SEPTIN6: variants seen among roughly 807,000 people sequenced by gnomAD.
The protein encoded by SEPTIN6 is septin 6.
A neutral mutation model predicts 33.6 loss-of-function variants in SEPTIN6; 8 were observed. The ratio of observed to expected loss-of-function variants is 0.24; its 90% CI spans 0.14 to 0.43. The LOEUF (loss-of-function observed/expected upper bound fraction) is 0.43, where lower values mean the gene tolerates loss of function less well. Ranked by LOEUF, SEPTIN6 falls within the 20% of genes least tolerant of loss-of-function variation. SEPTIN6 has a pLI of 1.00. For synonymous variants in SEPTIN6, 131 were observed against 140.0 expected (o/e 0.94, Z 0.45); for missense variants, 250 against 340.8 (o/e 0.73, Z 2.10).
At chrX:119,651,195 T>C (rs900798801) in intron 4 of SEPTIN6, among the ~76,000 whole-genome samples, 2 of 111,595 alleles carry the variant, frequency 1.8e-5, no homozygotes, top group Non-Finnish European at 3.8e-5. Flanking sequence ...CCTCTGCGCT[T>C]TGGCTTAGGA....
At chrX:119,638,393 C>T (rs2054102402) in intron 6 of SEPTIN6, among the ~76,000 whole-genome samples, 2 of 111,643 alleles carry the variant, frequency 1.8e-5, no homozygotes, top group African/African-American at 3.3e-5. Flanking sequence ...GACCAGGTCA[C>T]GAGGAGCACT....
At chrX:119,674,811 C>T (rs1007620841) in intron 2 of SEPTIN6, among the ~76,000 whole-genome samples, 2 of 111,993 alleles carry the variant, frequency 1.8e-5, no homozygotes, top group African/African-American at 3.2e-5. Context: ...GTTCCTGTGG[C>T]ATTCACCCAT....
intron 1 of SEPTIN6, among the ~76,000 whole-genome samples, chrX:119,688,564 G>A (rs544221064): frequency 1.8e-5 from 2 of 109,518 alleles, no homozygotes; most frequent in African/African-American, 6.7e-5. Flanking sequence ...AAAATTAGCT[G>A]GGCACGGTGG....
At chrX:119,662,429 T>G (rs2054564705) in intron 3 of SEPTIN6, among the ~76,000 whole-genome samples, 1 of 111,995 alleles carries the variant, frequency 8.9e-6, no homozygotes, top group African/African-American at 3.2e-5. Context: ...GCTGGAAATT[T>G]GGGCCTCATT....
chrX:119,681,699 A>C (rs1603351460), intron 1 of SEPTIN6, among the ~76,000 whole-genome samples: 1 of 112,231 alleles, frequency 8.9e-6, no homozygotes. Context: ...GAGTATCTCC[A>C]AGACATATTA....
At chrX:119,671,525 T>C (rs2054748844) in intron 2 of SEPTIN6, among the ~76,000 whole-genome samples, 1 of 109,560 alleles carries the variant, frequency 9.1e-6, no homozygotes, top group Non-Finnish European at 1.9e-5. Context: ...CCTGACCTCA[T>C]GATCCGCCCA....
At chrX:119,646,564 T>G (rs975385452) in intron 5 of SEPTIN6, among the ~76,000 whole-genome samples, 3 of 111,583 alleles carry the variant, frequency 2.7e-5, no homozygotes. Context: ...TCGCTCTCCC[T>G]TCTCTTCCCC....
Position 119,618,030 on chromosome X carries a change from A to C in SEPTIN6, c.*2063T>G. 1.2e-6 allele frequency: 1 copy of C among 806,664 alleles called. No homozygotes were observed. The highest frequency in any genetic ancestry group is 1.5e-6 in the Non-Finnish European group (1 of 671,584). 66.5% of individuals were successfully genotyped at this position (806,664 alleles called of 1,213,427 possible). On this transcript the variant is annotated 3_prime_UTR_variant, in exon 11 of 11. Coordinates refer to ENST00000394610, the MANE Select transcript of SEPTIN6 (RefSeq NM_145799.4). ...GTGGTGGTTACCGGTTGGTTGTTTA[A>C]GCGTGAATTTCTGGGAAAGCAGCTC...
At chrX:119,628,580 A>G (rs1322450281) in intron 9 of SEPTIN6, among the ~76,000 whole-genome samples, 1 of 98,610 alleles carries the variant, frequency 1.0e-5, no homozygotes, top group African/African-American at 3.9e-5. Flanking sequence ...ATCTCTGCTC[A>G]CTGCAAGCTC....
intron 2 of SEPTIN6, among the ~76,000 whole-genome samples, chrX:119,666,744 G>T (rs772741142): frequency 1.8e-5 from 2 of 111,669 alleles, no homozygotes; most frequent in East Asian, 5.7e-4. Context: ...TGAAGAAGAG[G>T]CCCCCTTTTT....
At chrX:119,648,219 C>A (rs1205536877) in intron 5 of SEPTIN6, among the ~76,000 whole-genome samples, 1 of 110,029 alleles carries the variant, frequency 9.1e-6, no homozygotes, top group Non-Finnish European at 1.9e-5. Flanking sequence ...CATGAGGTAC[C>A]AAGATGTGGT....
intron 2 of SEPTIN6, among the ~76,000 whole-genome samples, chrX:119,671,862 A>G (rs1012089653): frequency 3.5e-5 from 4 of 112,687 alleles, no homozygotes; most frequent in Non-Finnish European, 7.5e-5. Context: ...GTACACAGGC[A>G]GTAGGCATGA....
In SEPTIN6 at chrX:119,693,097, C is replaced by G; in HGVS notation, c.9G>C (p.Ala3=). 6.8e-6 allele frequency: 8 copies of G among 1,170,942 alleles called. No homozygotes were observed. The highest frequency in any genetic ancestry group is 9.1e-6 in the Non-Finnish European group (8 of 874,826). The part of the protein sequence containing the change: MA[A]TDIARQVGEG... ...TTACCACCTGGCGAGCTATATCGGT[C>G]GCTGCCATCGCTCCTGCGTCCGCCA... The change falls in exon 1 of 11, where the codon GCG becomes GCC. Residue 3 remains alanine, a synonymous_variant. Coordinates refer to ENST00000394610, the MANE Select transcript of SEPTIN6 (RefSeq NM_145799.4).
At position 119,640,778 on chromosome X, in the gene SEPTIN6, G is replaced by A. The variant is rs764588243; in HGVS notation, c.701C>T (p.Pro234Leu). 6 of 1,206,732 alleles carry A rather than the reference G, an allele frequency of 5.0e-6. No individual in the cohort carries two copies. Among genetic ancestry groups the A allele is most frequent in the Non-Finnish European group, 5.6e-6 (5 of 892,595 alleles). ...TTCTGTGCTGCCAATGACAGCAAAC[G>A]GCAGGTGGGCCTGAAACCGAAGGCA... ...EINGTMNAHL[P>L]FAVIGSTEEL... Residue 234 changes from proline (P) to leucine (L), a missense_variant, in exon 6 of 11, where the codon CCG (proline) becomes CTG (leucine). Physicochemically the swap from Pro to Leu is moderately conservative, Grantham distance 98. Around this residue, in one of 2 missense-constraint regions of SEPTIN6, gnomAD observed 139 missense variants for 227.0 expected, o/e 0.61. Transcript: ENST00000394610.
At chrX:119,676,238 G>C in intron 1 of SEPTIN6, among the ~76,000 whole-genome samples, 1 of 111,420 alleles carries the variant, frequency 9.0e-6, no homozygotes, top group East Asian at 2.8e-4. Flanking sequence ...AAGGCGGGGG[G>C]GATCACTTGA....
chrX:119,669,797 A>T (rs1206950706), intron 2 of SEPTIN6, among the ~76,000 whole-genome samples: 1 of 111,446 alleles, frequency 9.0e-6, no homozygotes, highest in Non-Finnish European at 1.9e-5. Context: ...GAAACAATTG[A>T]TCCTTGGCCT....
intron 10 of SEPTIN6, among the ~76,000 whole-genome samples, chrX:119,620,323 T>TC (rs1426917898): frequency 9.6e-6 from 1 of 104,694 alleles, no homozygotes; most frequent in African/African-American, 3.5e-5. Context: ...TTCTTTCTTT[T>TC]TTTTTTTTTT....
intron 5 of SEPTIN6, among the ~76,000 whole-genome samples, chrX:119,647,702 G>A (rs771482829): frequency 1.5e-4 from 16 of 109,072 alleles, no homozygotes; most frequent in African/African-American, 5.1e-4. Context: ...TGCCCAGGCT[G>A]GAGTGCAAAG....
intron 1 of SEPTIN6, among the ~76,000 whole-genome samples, chrX:119,680,195 T>TTTTATTTATTTA (rs201992348): frequency 2.1e-5 from 2 of 96,903 alleles, no homozygotes; most frequent in African/African-American, 3.8e-5. Flanking sequence ...ACACTCTTAA[T>TTTTATTTATTTA]TTTATTTATT....
Sources: gnomAD v4.1 joint callset for allele counts (sites outside exome capture counted in the v4.1 genomes callset) on GRCh38, gnomAD v4.1.1 for gene constraint, gnomAD v4.1.1 regional missense constraint, MANE v1.5 for transcripts, NCBI Gene and HGNC (gene_info 2026-07-23, HGNC 2026-07-21) for gene names.